GOLGA8H: variants seen among roughly 807,000 people sequenced by gnomAD.
GOLGA8H encodes golgin A8 family member H.
Under a neutral mutation model 82.7 loss-of-function variants are expected in GOLGA8H, and 47 were observed. The observed-to-expected ratio is 0.57, with a 90% CI of 0.45 to 0.73. GOLGA8H has a LOEUF of 0.73. Ranked by LOEUF, GOLGA8H falls within the 30% of genes least tolerant of loss-of-function variation. GOLGA8H has a pLI of 0.00. For synonymous variants in GOLGA8H, 108 were observed against 241.6 expected (o/e 0.45, Z 5.13); for missense variants, 372 against 661.0 (o/e 0.56, Z 4.79).
rs763266267 is a variant in GOLGA8H, at chr15:30,608,691, C to T, written c.526C>T (p.Arg176Cys). Residue 176 changes from arginine (R) to cysteine (C), a missense_variant, in exon 8 of 19, where the codon CGT becomes TGT. Transcript: ENST00000566740. ...TGTCTGCCTGCAACATTCATTGCAG[C>T]GTAAAGGAGAGTTAGAGAGTGTTCT... ...LAVCLQHSLQRKGELESVLSN... is the reference protein window; with the variant it reads ...LAVCLQHSLQCKGELESVLSN... The T allele has an allele frequency of 4.2e-5, 65 of 1,537,454 alleles. No homozygotes were observed. The African/African-American group carries it at 4.3e-4, about 10-fold the overall frequency.
rs1299651619 is a variant in GOLGA8H, at chr15:30,610,291, G to A, written c.787-11G>A. The A allele has an allele frequency of 1.9e-6, 2 of 1,079,094 alleles. No homozygotes were observed. Among genetic ancestry groups the A allele is most frequent in the Admixed American group, 4.1e-5 (2 of 49,150 alleles). 66.8% of individuals were successfully genotyped at this position (1,079,094 alleles called of 1,614,324 possible). ...TCTCTCCAAGGCCCTTTCCCCTTGT[G>A]CTTTGGGCAGATTTGCACATTAAAG... On this transcript the variant is annotated splice_polypyrimidine_tract_variant and intron_variant, in intron 10 of 18. Transcript: ENST00000566740.
rs1346390342 is a variant in GOLGA8H, at chr15:30,615,372, T to C, written c.*811T>C. Among the ~76,000 whole-genome samples the C allele has an allele frequency of 2.0e-5, 3 of 151,894 alleles. No homozygotes were observed. The highest frequency in any genetic ancestry group is 4.4e-5 in the Non-Finnish European group (3 of 67,954). On this transcript the variant is annotated 3_prime_UTR_variant, in exon 19 of 19. Transcript: ENST00000566740. ...GCAGTTGCACTCTTTTTCGATGACC[T>C]AAAAAGGGCTTATTTCTGAGGAATG...
chr15:30,610,220 G>T (rs1292264124), intron 10 of GOLGA8H, 82 bp from the exon 11 acceptor site: 2 of 1,154,452 alleles, frequency 1.7e-6, no homozygotes, highest in Middle Eastern at 2.8e-4. Context: ...GCTTTGTGGA[G>T]GTGGGGGCAG....
intron 8 of GOLGA8H, 62 bp downstream of exon 8, chr15:30,608,818 T>C (rs1296214716): frequency 3.8e-6 from 5 of 1,304,058 alleles, no homozygotes; most frequent in Admixed American, 2.0e-5. Context: ...GGAGTGAGCC[T>C]AAAGGTCCCT....
rs1437887403 is a variant in GOLGA8H, at chr15:30,612,649, G to A, written c.1253G>A (p.Ser418Asn). 23 of 1,597,094 alleles carry A rather than the reference G, an allele frequency of 1.4e-5. No homozygotes were observed. In the East Asian group the frequency reaches 3.1e-4, roughly 22 times the overall value. Reference protein sequence around the residue: ...QQNQQLTAQLSLMALPGEGHG... With the variant: ...QQNQQLTAQLNLMALPGEGHG... The stretch of plus-strand genomic sequence containing the variant: ...AACCAGCAGCTAACGGCCCAGCTGA[G>A]CCTCATGGCTCTCCCTGGGGAAGGT... Residue 418 changes from serine (S) to asparagine (N), a missense_variant, in exon 14 of 19, where the codon AGC (serine) becomes AAC (asparagine). By Grantham distance (46) the Ser-to-Asn change is conservative. Coordinates refer to ENST00000566740, the MANE Select transcript of GOLGA8H (RefSeq NM_001282490.2).
At position 30,616,748 on chromosome 15, in the gene GOLGA8H, T is replaced by C. The variant is rs1489257386; in HGVS notation, c.*2187T>C. Among the ~76,000 whole-genome samples, 4 of 144,242 alleles carry C rather than the reference T, an allele frequency of 2.8e-5. No individual in the cohort carries two copies. The highest frequency in any genetic ancestry group is 6.1e-5 in the Non-Finnish European group (4 of 65,686). The allele number at this position is 144,242 out of a possible 152,430, so 94.6% of individuals were successfully genotyped here. Reference sequence around the variant, plus strand: ...ATTTGGTCTAACGTTTTTTCTTTTATCATTCTGAAACTGGGTTTATCTAAT... The same window carrying C: ...ATTTGGTCTAACGTTTTTTCTTTTACCATTCTGAAACTGGGTTTATCTAAT... On this transcript the variant is annotated 3_prime_UTR_variant, in exon 19 of 19. Transcript: ENST00000566740.
intron 2 of GOLGA8H, 82 bp downstream of exon 2, chr15:30,606,044 G>T (rs2059919094): frequency 3.3e-6 from 5 of 1,530,468 alleles, no homozygotes; most frequent in Middle Eastern, 2.3e-4. Context: ...TGGATGGACT[G>T]CTGGGTACTG....
chr15:30,605,796 C>G, intron 1 of GOLGA8H, 47 bp from the exon 2 acceptor site: 1 of 1,589,296 alleles, frequency 6.3e-7, no homozygotes, highest in East Asian at 2.2e-5. Context: ...GATGTGGCTG[C>G]AGGGGCTGAC....
At chr15:30,608,425 C>G (rs62018325) in intron 6 of GOLGA8H, 42 bp from the exon 7 acceptor site, 757,250 of 1,559,346 alleles carry the variant, frequency 0.49, 187,932 homozygotes, top group Non-Finnish European at 0.51. Flanking sequence ...GAGAAGGTTT[C>G]TTTCCTTCTC....
At chr15:30,605,541 ATGTTTAC>A (rs2059911445) in intron 1 of GOLGA8H, among the ~76,000 whole-genome samples, 1 of 149,748 alleles carries the variant, frequency 6.7e-6, no homozygotes, top group Admixed American at 6.6e-5. Flanking sequence ...TGCCTACTTA[ATGTTTAC>A]TTTTCTACCT....
Position 30,608,719 on chromosome 15 carries a change from C to T in GOLGA8H, c.554C>T (p.Ser185Phe), listed in dbSNP as rs750006416. 9 of 1,523,384 alleles carry T rather than the reference C, an allele frequency of 5.9e-6. No homozygotes were observed. Among genetic ancestry groups the T allele is most frequent in the African/African-American group, 1.4e-5 (1 of 70,704 alleles). The allele number at this position is 1,523,384 out of a possible 1,614,324, so 94.4% of individuals were successfully genotyped here. A position where few individuals can be genotyped will look rare whatever the true frequency, so the allele number is the denominator to read the frequency against. ...QRKGELESVLSNVMATQKKKA... is the reference protein window; with the variant it reads ...QRKGELESVLFNVMATQKKKA... Reference sequence around the variant, plus strand: ...AAAGGAGAGTTAGAGAGTGTTCTCTCTAATGTCATGGCCACACAGAAGAAG... The same window carrying T: ...AAAGGAGAGTTAGAGAGTGTTCTCTTTAATGTCATGGCCACACAGAAGAAG... The change falls in exon 8 of 19, where the codon TCT becomes TTT. Residue 185 changes from serine to phenylalanine, a missense_variant. Ser to Phe is a radical substitution (Grantham distance 155). Coordinates refer to ENST00000566740, the MANE Select transcript of GOLGA8H (RefSeq NM_001282490.2).
intron 4 of GOLGA8H, chr15:30,607,622 T>G: frequency 2.5e-6 from 1 of 404,964 alleles, no homozygotes; most frequent in Non-Finnish European, 4.5e-6. Context: ...AACGGAAACC[T>G]CAGGGCTAAG....
At position 30,612,960 on chromosome 15, in the gene GOLGA8H, T is replaced by C. The variant is rs1462258303; in HGVS notation, c.1277-144T>C. On this transcript the variant is annotated intron_variant, in intron 14 of 18. Transcript: ENST00000566740. ...GGCGGAATAGCAAGATCTTGATTCTTAAAAGTAAAAATAAAGAACAACAGC... is the reference window on the plus strand; with the variant it reads ...GGCGGAATAGCAAGATCTTGATTCTCAAAAGTAAAAATAAAGAACAACAGC... 2 of 572,920 alleles carry C rather than the reference T, an allele frequency of 3.5e-6. 1 individual carries two copies. Among genetic ancestry groups the C allele is most frequent in the Non-Finnish European group, 6.2e-6 (2 of 322,756 alleles). 35.5% of individuals were successfully genotyped at this position (572,920 alleles called of 1,614,324 possible). A position where few individuals can be genotyped will look rare whatever the true frequency, so the allele number is the denominator to read the frequency against.
rs2060115176 is a variant in GOLGA8H at position 30,617,313 on chromosome 15, T to G, written c.*2752T>G. The G allele has an allele frequency of 1.3e-5, 2 of 151,960 alleles. No individual in the cohort carries two copies. Among genetic ancestry groups the G allele is most frequent in the South Asian group, 2.1e-4 (1 of 4,826 alleles). The allele number at this position is 151,960 out of a possible 1,614,324, so 9.4% of individuals were successfully genotyped here. A position where few individuals can be genotyped will look rare whatever the true frequency, so the allele number is the denominator to read the frequency against. On this transcript the variant is annotated 3_prime_UTR_variant, in exon 19 of 19. Coordinates refer to ENST00000566740, the MANE Select transcript of GOLGA8H (RefSeq NM_001282490.2). The stretch of plus-strand genomic sequence containing the variant: ...AATAATCATTTTAAAAGTATTTGAT[T>G]AAACCTGATAATTTTCCAGAAATGA...
rs1423788385 is a variant in GOLGA8H at position 30,609,126 on chromosome 15, T to C, written c.591+370T>C. 1.7e-4 allele frequency among the ~76,000 whole-genome samples: 20 copies of C among 117,208 alleles called. 1 individual carries two copies. Among genetic ancestry groups the C allele is most frequent in the African/African-American group, 6.0e-4 (17 of 28,428 alleles). 76.9% of individuals were successfully genotyped at this position (117,208 alleles called of 152,430 possible). A position where few individuals can be genotyped will look rare whatever the true frequency, so the allele number is the denominator to read the frequency against. ...AAGAGGAAACGTGTGTGCGTGTGTGTGTGTGTGTGTGTGTGTGTGCATACT... is the reference window on the plus strand; with the variant it reads ...AAGAGGAAACGTGTGTGCGTGTGTGCGTGTGTGTGTGTGTGTGTGCATACT... On this transcript the variant is annotated intron_variant, in intron 8 of 18. Coordinates refer to ENST00000566740, the MANE Select transcript of GOLGA8H (RefSeq NM_001282490.2).
At chr15:30,612,541 G>A (rs1450617537) in intron 13 of GOLGA8H, 56 bp from the exon 14 acceptor site, 20 of 1,565,778 alleles carry the variant, frequency 1.3e-5, no homozygotes, top group African/African-American at 2.8e-5. Flanking sequence ...GGATGGGGCT[G>A]TGAGGGGGAC....
At chr15:30,610,572 G>C (rs2648191) in intron 11 of GOLGA8H, among the ~76,000 whole-genome samples, 183 bp downstream of exon 11, 51 of 147,402 alleles carry the variant, frequency 3.5e-4, no homozygotes, top group South Asian at 8.5e-4. Flanking sequence ...TCCCCATCAG[G>C]AAAGAGGGCC....
intron 2 of GOLGA8H, among the ~76,000 whole-genome samples, chr15:30,606,602 C>G (rs62018323): frequency 0.21 from 30,377 of 148,000 alleles, 441 homozygotes; most frequent in Non-Finnish European, 0.23. Flanking sequence ...TGATTTTCCT[C>G]ATCCCCAGTC....
In GOLGA8H at chr15:30,608,639, C is replaced by G. The variant is rs1417854962; in HGVS notation, c.482-8C>G. The G allele has an allele frequency of 8.8e-6, 14 of 1,599,462 alleles. No individual in the cohort carries two copies. Among genetic ancestry groups the G allele is most frequent in the Non-Finnish European group, 1.0e-5 (12 of 1,177,448 alleles). On this transcript the variant is annotated splice_region_variant and splice_polypyrimidine_tract_variant and intron_variant, in intron 7 of 18. Coordinates refer to ENST00000566740, the MANE Select transcript of GOLGA8H (RefSeq NM_001282490.2). ...CCTTTGGGCCCCATCTCAACTTTCT[C>G]ATTACAGAAAAGTCCAAGGATCTGG...
Sources: gnomAD v4.1 joint callset for allele counts (sites outside exome capture counted in the v4.1 genomes callset) on GRCh38, gnomAD v4.1.1 for gene constraint, MANE v1.5 for transcripts, NCBI Gene and HGNC (gene_info 2026-07-23, HGNC 2026-07-21) for gene names.